HEPHL1: variants seen among roughly 807,000 people sequenced by gnomAD.
HEPHL1 encodes the protein ferroxidase HEPHL1.
HEPHL1 carries 123 observed loss-of-function variants against 122.0 expected under a neutral mutation model. That is an observed-to-expected ratio of 1.01 (90% CI 0.87 to 1.17). The LOEUF is 1.17. Ranked by LOEUF, HEPHL1 falls within the 50% of genes most tolerant of loss-of-function variation. HEPHL1 has a pLI of 0.00. For missense variants in HEPHL1, 1,452 were observed against 1,430.5 expected, an observed-to-expected ratio of 1.01 and a Z score of -0.24; for synonymous variants, 527 against 508.9, an observed-to-expected ratio of 1.04 and a Z score of -0.48.
intron 10 of HEPHL1, among the ~76,000 whole-genome samples, chr11:94,083,730 G>A (rs968349022): frequency 1.3e-5 from 2 of 150,988 alleles, no homozygotes; most frequent in Non-Finnish European, 2.9e-5. Context: ...TTCCAACAGA[G>A]TCCCCTCTTG....
chr11:94,112,190 A>T lies in HEPHL1; in HGVS notation c.*296A>T. On this transcript the variant is annotated 3_prime_UTR_variant, in exon 20 of 20. Coordinates refer to ENST00000315765, the MANE Select transcript of HEPHL1 (RefSeq NM_001098672.2). ...ATTCACTGAATAGGAGACACTCTGA[A>T]AGATATCTTTATATTCCATCTTTTA... 4.1e-6 allele frequency: 1 copy of T among 244,628 alleles called. No homozygotes were observed. The allele number at this position is 244,628 out of a possible 1,614,324, so 15.2% of individuals were successfully genotyped here.
chr11:94,098,956 G>A (rs1029318690), intron 13 of HEPHL1, among the ~76,000 whole-genome samples: 30 of 152,112 alleles, frequency 2.0e-4, no homozygotes, highest in Admixed American at 5.9e-4. Flanking sequence ...CGATGGGTTC[G>A]AACATCCTCC....
At chr11:94,028,943 A>ACTTTCC (rs1555056953) in intron 1 of HEPHL1, among the ~76,000 whole-genome samples, 3 of 151,470 alleles carry the variant, frequency 2.0e-5, no homozygotes, top group Non-Finnish European at 3.0e-5. Context: ...AAAACAAACT[A>ACTTTCC]CTTTCTCTTA....
At chr11:94,046,051 A>G in intron 2 of HEPHL1, 134 bp downstream of exon 2, 1 of 511,680 alleles carries the variant, frequency 2.0e-6, no homozygotes, top group Non-Finnish European at 3.2e-6. Context: ...TTCTCCATCC[A>G]TCTCCATCTA....
At chr11:94,029,191 C>T (rs1339397688) in intron 1 of HEPHL1, among the ~76,000 whole-genome samples, 5 of 152,142 alleles carry the variant, frequency 3.3e-5, no homozygotes, top group African/African-American at 9.7e-5. Context: ...TCCTAGGGCA[C>T]CTTCATGGGT....
intron 13 of HEPHL1, among the ~76,000 whole-genome samples, chr11:94,100,029 T>C (rs1946355147): frequency 6.6e-6 from 1 of 152,084 alleles, no homozygotes; most frequent in African/African-American, 2.4e-5. Flanking sequence ...CTGCCCCCAC[T>C]GTCTGACAAG....
chr11:94,045,704 A>C lies in HEPHL1; in HGVS notation c.202A>C (p.Asn68His). ...AACCTTATTTCTCGAAAGAGGGCCC[A>C]ACAGGATAGGCAGTATTTACAAAAA... Reference protein sequence around the residue: ...LATLFLERGPNRIGSIYKKAV... With the variant: ...LATLFLERGPHRIGSIYKKAV... The change falls in exon 2 of 20, where the codon AAC becomes CAC. Residue 68 changes from asparagine to histidine, a missense_variant. By Grantham distance (68) the Asn-to-His change is moderately conservative. Coordinates refer to ENST00000315765, the MANE Select transcript of HEPHL1 (RefSeq NM_001098672.2). 6.2e-7 allele frequency: 1 copy of C among 1,611,854 alleles called. No homozygotes were observed. Among genetic ancestry groups the C allele is most frequent in the Non-Finnish European group, 8.5e-7 (1 of 1,178,862 alleles).
intron 1 of HEPHL1, among the ~76,000 whole-genome samples, chr11:94,038,005 C>T (rs1472461741): frequency 2.0e-5 from 3 of 146,574 alleles, no homozygotes; most frequent in Non-Finnish European, 4.5e-5. Flanking sequence ...CTAGAATAAC[C>T]AATACAGAGA....
At position 94,073,121 on chromosome 11, in the gene HEPHL1, A is replaced by G. The variant is rs1404171776; in HGVS notation, c.1329A>G (p.Lys443=). 38 of 1,613,194 alleles carry G rather than the reference A, an allele frequency of 2.4e-5. No homozygotes were observed. The highest frequency in any genetic ancestry group is 3.1e-5 in the Non-Finnish European group (37 of 1,179,462). Residue 443 remains lysine (K), a synonymous_variant, in exon 7 of 20, where the codon AAA becomes AAG. Transcript: ENST00000315765. ...YTEFVDATFT[K]RKRLSAEEAH... Reference sequence around the variant, plus strand: ...AATTTGTTGATGCAACTTTTACTAAAAGAAAGAGACTCTCTGCTGAAGAAG... The same window carrying G: ...AATTTGTTGATGCAACTTTTACTAAGAGAAAGAGACTCTCTGCTGAAGAAG...
rs1443708366 is a variant in HEPHL1 at position 94,070,513 on chromosome 11, C to T, written c.1203C>T (p.Phe401=). ...WDYAPQGYNK[F]SGLPLNASGS... is the part of the protein sequence containing the mutation. ...ATGCTCCTCAAGGCTATAACAAATT[C>T]AGTGGTCTTCCTCTAAACGCCTCTG... is the stretch of plus-strand genomic sequence containing the variant. The change falls in exon 6 of 20, where the codon TTC becomes TTT. Residue 401 remains phenylalanine, a synonymous_variant. Coordinates refer to ENST00000315765, the MANE Select transcript of HEPHL1 (RefSeq NM_001098672.2). The T allele has an allele frequency of 2.5e-6, 4 of 1,610,906 alleles. No individual in the cohort carries two copies. The highest frequency in any genetic ancestry group is 3.4e-6 in the Non-Finnish European group (4 of 1,178,492).
intron 11 of HEPHL1, among the ~76,000 whole-genome samples, chr11:94,088,016 T>C (rs1339583277): frequency 6.6e-6 from 1 of 152,238 alleles, no homozygotes; most frequent in Non-Finnish European, 1.5e-5. Flanking sequence ...TGAGAGTTAA[T>C]ATCTTCAATA....
intron 2 of HEPHL1, chr11:94,055,822 CA>C (rs1945931917): frequency 2.2e-6 from 1 of 459,424 alleles, no homozygotes; most frequent in African/African-American, 2.0e-5. Flanking sequence ...AGTTCCTTTC[CA>C]TACTGCAATG....
chr11:94,096,402 G>A (rs1220260144), intron 13 of HEPHL1, among the ~76,000 whole-genome samples: 1 of 152,188 alleles, frequency 6.6e-6, no homozygotes, highest in African/African-American at 2.4e-5. Flanking sequence ...ACTTTTTGAT[G>A]TGCTGCTGGA....
chr11:94,022,235 T>C (rs566065246), intron 1 of HEPHL1, among the ~76,000 whole-genome samples: 25 of 152,340 alleles, frequency 1.6e-4, no homozygotes, highest in African/African-American at 6.0e-4. Context: ...CTCCAGGGCC[T>C]AGTATCTTAA....
intron 2 of HEPHL1, among the ~76,000 whole-genome samples, chr11:94,062,678 G>A (rs1238738992): frequency 4.7e-5 from 7 of 148,644 alleles, no homozygotes; most frequent in East Asian, 2.0e-4. Context: ...AGCTCCTCCC[G>A]TCCTTTAAGG....
At chr11:94,106,176 A>G in intron 17 of HEPHL1, 46 bp downstream of exon 17, 1 of 1,415,816 alleles carries the variant, frequency 7.1e-7, no homozygotes, top group East Asian at 2.3e-5. Flanking sequence ...TTGAACTAAC[A>G]AATTCAATGT....
At chr11:94,024,174 G>A (rs1945604831) in intron 1 of HEPHL1, among the ~76,000 whole-genome samples, 1 of 152,176 alleles carries the variant, frequency 6.6e-6, no homozygotes, top group East Asian at 1.9e-4. Context: ...TAAAGGACCA[G>A]GAGAGCCAGG....
Position 94,070,368 on chromosome 11 carries a change from C to G in HEPHL1, c.1064-6C>G. ...CCTCAGCTCGTGGTTTTCCTCTGTT[C>G]TGCAGCTGGTATGCTGGGGCAATAC... On this transcript the variant is annotated splice_region_variant and splice_polypyrimidine_tract_variant and intron_variant, in intron 5 of 19. Coordinates refer to ENST00000315765, the MANE Select transcript of HEPHL1 (RefSeq NM_001098672.2). 1 of 1,583,622 alleles carries G rather than the reference C, an allele frequency of 6.3e-7. No individual in the cohort carries two copies. Among genetic ancestry groups the G allele is most frequent in the Non-Finnish European group, 8.6e-7 (1 of 1,163,268 alleles).
At chr11:94,032,218 C>T (rs1225742926) in intron 1 of HEPHL1, among the ~76,000 whole-genome samples, 1 of 152,182 alleles carries the variant, frequency 6.6e-6, no homozygotes, top group Non-Finnish European at 1.5e-5. Context: ...GTTCCAGTGG[C>T]CTTTAGATCT....
Sources: allele counts gnomAD v4.1 joint callset (sites outside exome capture counted in the v4.1 genomes callset), GRCh38; gene constraint gnomAD v4.1.1; transcripts MANE v1.5; gene names NCBI Gene and HGNC (gene_info 2026-07-23, HGNC 2026-07-21).